CFAP58: variants seen among roughly 807,000 people sequenced by gnomAD.
CFAP58 encodes the protein cilia and flagella associated protein 58, also known as cilia- and flagella-associated protein 58.
CFAP58 carries 88 observed loss-of-function variants against 119.5 expected under a neutral mutation model. The ratio of observed to expected loss-of-function variants is 0.74; its 90% CI spans 0.62 to 0.88. CFAP58 has a LOEUF of 0.88. Ranked by LOEUF, CFAP58 falls within the 40% of genes least tolerant of loss-of-function variation. The pLI, the probability that CFAP58 is intolerant of heterozygous loss-of-function variation, is 0.00. For missense variants in CFAP58, 990 were observed against 1,021.2 expected, an observed-to-expected ratio of 0.97 and a Z score of 0.42; for synonymous variants, 365 against 366.3, an observed-to-expected ratio of 1.00 and a Z score of 0.04.
At chr10:104,352,410 C>T (rs1267096831), upstream of CFAP58, among the ~76,000 whole-genome samples, 1 of 152,110 alleles carries the variant, frequency 6.6e-6, no homozygotes, top group Non-Finnish European at 1.5e-5. Flanking sequence ...AATATCACAC[C>T]CTCTAGATAG....
At chr10:104,389,177 A>G (rs1256911196) in intron 9 of CFAP58, among the ~76,000 whole-genome samples, 2 of 152,174 alleles carry the variant, frequency 1.3e-5, no homozygotes, top group Admixed American at 1.3e-4. Context: ...ATAAAAATAA[A>G]CCGAGTCCCA....
At chr10:104,430,465 A>G (rs2012827162) in intron 15 of CFAP58, among the ~76,000 whole-genome samples, 1 of 152,182 alleles carries the variant, frequency 6.6e-6, no homozygotes, top group Non-Finnish European at 1.5e-5. Flanking sequence ...TTCTTTTGGA[A>G]ACGAATCTTC....
chr10:104,423,878 T>C (rs1201096452), intron 15 of CFAP58, among the ~76,000 whole-genome samples: 4 of 152,228 alleles, frequency 2.6e-5, no homozygotes, highest in African/African-American at 9.6e-5. Context: ...AGAAATATCT[T>C]AGAAACAGAG....
In CFAP58 at chr10:104,358,506, C is replaced by A. The variant is rs759795638; in HGVS notation, c.175C>A (p.Arg59Ser). 9 of 1,613,894 alleles carry A rather than the reference C, an allele frequency of 5.6e-6. No individual in the cohort carries two copies. Among genetic ancestry groups the A allele is most frequent in the Non-Finnish European group, 6.8e-6 (8 of 1,180,022 alleles). ...VMKKSYDNEKRLMAKCRELNA... is the reference protein window; with the variant it reads ...VMKKSYDNEKSLMAKCRELNA... Reference sequence around the variant, plus strand: ...GAAAAAGTCTTATGACAATGAAAAGCGTCTGATGGCCAAATGCAGAGAGCT... The same window carrying A: ...GAAAAAGTCTTATGACAATGAAAAGAGTCTGATGGCCAAATGCAGAGAGCT... Residue 59 changes from arginine to serine, a missense_variant, in exon 2 of 18, where the codon CGT becomes AGT. By Grantham distance (110) the Arg-to-Ser change is moderately radical. Coordinates refer to ENST00000369704, the MANE Select transcript of CFAP58 (RefSeq NM_001008723.2).
At chr10:104,418,674 C>T (rs1316954834) in intron 15 of CFAP58, among the ~76,000 whole-genome samples, 1 of 152,204 alleles carries the variant, frequency 6.6e-6, no homozygotes, top group Non-Finnish European at 1.5e-5. Context: ...CTTTGTTCCC[C>T]CACTTCAGAT....
intron 1 of CFAP58, among the ~76,000 whole-genome samples, chr10:104,355,450 T>C (rs1454113629): frequency 6.6e-6 from 1 of 152,226 alleles, no homozygotes; most frequent in Admixed American, 6.5e-5. Context: ...GTTACTCCTC[T>C]CGTTTCTTCC....
upstream of CFAP58, among the ~76,000 whole-genome samples, chr10:104,352,501 G>A (rs2014471675): frequency 1.3e-5 from 2 of 151,802 alleles, no homozygotes; most frequent in South Asian, 4.1e-4. Flanking sequence ...CTCCAGTAGG[G>A]CACATGGCAC....
intron 15 of CFAP58, among the ~76,000 whole-genome samples, chr10:104,433,160 C>G (rs1015465853): frequency 2.0e-5 from 3 of 152,282 alleles, no homozygotes; most frequent in South Asian, 4.1e-4. Context: ...GTGGTAAAAT[C>G]ATAGCTCACT....
intron 15 of CFAP58, among the ~76,000 whole-genome samples, chr10:104,411,099 C>A (rs1281826647): frequency 1.3e-5 from 2 of 152,158 alleles, no homozygotes; most frequent in South Asian, 4.2e-4. Flanking sequence ...ACCACAACGC[C>A]CAGCTAATTT....
intron 17 of CFAP58, among the ~76,000 whole-genome samples, chr10:104,453,154 A>G (rs2013221408): frequency 6.6e-6 from 1 of 152,150 alleles, no homozygotes; most frequent in South Asian, 2.1e-4. Context: ...TTAAGGTGAG[A>G]GAGGGCAGGG....
At position 104,362,165 on chromosome 10, in the gene CFAP58, A is replaced by G. The variant is rs1442923801; in HGVS notation, c.434A>G (p.His145Arg). 1 of 1,612,406 alleles carries G rather than the reference A, an allele frequency of 6.2e-7. No homozygotes were observed. Among genetic ancestry groups the G allele is most frequent in the Non-Finnish European group, 8.5e-7 (1 of 1,179,344 alleles). The change falls in exon 3 of 18, where the codon CAT (histidine) becomes CGT (arginine). Residue 145 changes from histidine to arginine, a missense_variant. His to Arg is a conservative substitution (Grantham distance 29). Coordinates refer to ENST00000369704, the MANE Select transcript of CFAP58 (RefSeq NM_001008723.2). The stretch of plus-strand genomic sequence containing the variant: ...GGGTCTGGACTGTCAATGGACCAGC[A>G]TAGCAAGTAGGTCATAGCCTTGTTG... ...EQGSGLSMDQ[H>R]SNIRDLLRFK...
At chr10:104,399,276 A>T in intron 11 of CFAP58, 84 bp from the exon 12 acceptor site, 1 of 1,461,604 alleles carries the variant, frequency 6.8e-7, no homozygotes, top group East Asian at 2.3e-5. Context: ...AAGAAGCACA[A>T]CTGTACATCT....
chr10:104,441,301 C>T (rs1416385098), intron 15 of CFAP58, among the ~76,000 whole-genome samples: 1 of 152,220 alleles, frequency 6.6e-6, no homozygotes, highest in Admixed American at 6.5e-5. Flanking sequence ...CCGTACCCAG[C>T]CGACCTTACT....
At chr10:104,347,247 C>G in the CFAP58 span, among the ~76,000 whole-genome samples, 2 of 152,074 alleles carry the variant, frequency 1.3e-5, no homozygotes, top group African/African-American at 4.8e-5. Context: ...TTTCAGTCTT[C>G]CTAATAAATC....
chr10:104,421,952 G>T (rs373702113), intron 15 of CFAP58, among the ~76,000 whole-genome samples: 1 of 152,186 alleles, frequency 6.6e-6, no homozygotes, highest in African/African-American at 2.4e-5. Context: ...TCGGGAGGCC[G>T]AGGTGGGTGG....
At chr10:104,427,337 T>C (rs2012767230) in intron 15 of CFAP58, among the ~76,000 whole-genome samples, 1 of 152,350 alleles carries the variant, frequency 6.6e-6, no homozygotes, top group African/African-American at 2.4e-5. Flanking sequence ...AGCAGGTATA[T>C]TAATTTTCTT....
chr10:104,430,124 C>T (rs907848029), intron 15 of CFAP58, among the ~76,000 whole-genome samples: 1 of 152,172 alleles, frequency 6.6e-6, no homozygotes, highest in African/African-American at 2.4e-5. Flanking sequence ...GTTTTAAGTA[C>T]TGATGTGGAT....
intron 1 of CFAP58, among the ~76,000 whole-genome samples, chr10:104,357,790 TACATATATATACAC>T (rs1194243767): frequency 2.0e-5 from 3 of 147,296 alleles, no homozygotes; most frequent in East Asian, 1.9e-4. Context: ...TGTGTTTATA[TACATATATATACAC>T]ACATATATAT....
the CFAP58 span, among the ~76,000 whole-genome samples, chr10:104,348,819 C>T: frequency 6.6e-6 from 1 of 152,194 alleles, no homozygotes; most frequent in Non-Finnish European, 1.5e-5. Context: ...TGTCATGGTT[C>T]ACTGGGCTTC....
Sources: gnomAD v4.1 joint callset for allele counts (sites outside exome capture counted in the v4.1 genomes callset) on GRCh38, gnomAD v4.1.1 for gene constraint, MANE v1.5 for transcripts, NCBI Gene and HGNC (gene_info 2026-07-23, HGNC 2026-07-21) for gene names.